ACSS3: variants seen among roughly 807,000 people sequenced by gnomAD.
ACSS3 encodes acyl-CoA synthetase short chain family member 3.
Under a neutral mutation model 84.2 loss-of-function variants are expected in ACSS3, and 64 were observed. That is an observed-to-expected ratio of 0.76 (90% CI 0.62 to 0.94). ACSS3 has a LOEUF of 0.94. Among genes scored for constraint, ACSS3 ranks in the 40% least tolerant of loss-of-function variants. ACSS3 has a pLI of 0.00. For synonymous variants in ACSS3, 317 were observed against 310.1 expected (o/e 1.02, Z -0.23); for missense variants, 815 against 867.6 (o/e 0.94, Z 0.76).
chr12:81,225,773 T>A (rs1278857167), intron 11 of ACSS3, among the ~76,000 whole-genome samples: 1 of 151,938 alleles, frequency 6.6e-6, no homozygotes, highest in Non-Finnish European at 1.5e-5. Context: ...ATCGTTAATG[T>A]GTAGCACAGT....
At chr12:81,166,484 C>CT (rs1337141706) in intron 7 of ACSS3, among the ~76,000 whole-genome samples, 1 of 152,108 alleles carries the variant, frequency 6.6e-6, no homozygotes, top group Non-Finnish European at 1.5e-5. Context: ...TTAGGAAATT[C>CT]TTGAGGCTGA....
chr12:81,133,601 G>A (rs1386620277), intron 2 of ACSS3, among the ~76,000 whole-genome samples: 1 of 151,868 alleles, frequency 6.6e-6, no homozygotes, highest in Non-Finnish European at 1.5e-5. Context: ...CAAAACTGTT[G>A]CTTTCTTAGT....
At position 81,161,372 on chromosome 12, in the gene ACSS3, T is replaced by A. The variant is rs145938899; in HGVS notation, c.1098+9276T>A. The stretch of plus-strand genomic sequence containing the variant: ...ATCTATCCTTTAAGTGTAGGACTTG[T>A]GAGTTAAATAAAAGTGAACTCGAAG... On this transcript the variant is annotated intron_variant, in intron 7 of 15. Transcript: ENST00000548058. Among the ~76,000 whole-genome samples the A allele has an allele frequency of 4.1e-4, 62 of 152,270 alleles. No individual in the cohort carries two copies. The East Asian group carries it at 0.011, about 27-fold the overall frequency.
At chr12:81,143,797 C>G (rs1175316653) in intron 5 of ACSS3, among the ~76,000 whole-genome samples, 2 of 152,088 alleles carry the variant, frequency 1.3e-5, no homozygotes, top group Non-Finnish European at 2.9e-5. Context: ...ATGGAAGACA[C>G]TCAAGGATTT....
chr12:81,247,589 A>C (rs528200268), intron 13 of ACSS3, among the ~76,000 whole-genome samples: 1 of 152,080 alleles, frequency 6.6e-6, no homozygotes, highest in Non-Finnish European at 1.5e-5. Context: ...ACTTCTCTCT[A>C]TATATGAATT....
intron 2 of ACSS3, among the ~76,000 whole-genome samples, chr12:81,126,388 C>T (rs1248349643): frequency 6.6e-6 from 1 of 152,168 alleles, no homozygotes; most frequent in Non-Finnish European, 1.5e-5. Context: ...CACCCTAGTC[C>T]TGTTGTGTGT....
At chr12:81,151,527 G>T in intron 5 of ACSS3, 1 of 204,084 alleles carries the variant, frequency 4.9e-6, no homozygotes, top group Non-Finnish European at 9.8e-6. Context: ...TGAAAATGTA[G>T]TGTTGATAAT....
Position 81,091,651 on chromosome 12 carries a change from ATACT to A in ACSS3, c.311+13222_311+13225del, listed in dbSNP as rs199774175. 5.2e-3 allele frequency among the ~76,000 whole-genome samples: 784 copies of A among 152,208 alleles called. 3 individuals carry two copies. Among genetic ancestry groups the A allele is most frequent in the African/African-American group, 0.014 (568 of 41,574 alleles). Reference sequence around the variant, plus strand: ...TTTTCAAGTTTATCATTAGTAAAAAATACTTTAATAAGGAGGGTTTTAAAAAATT... The same window carrying A: ...TTTTCAAGTTTATCATTAGTAAAAAATTAATAAGGAGGGTTTTAAAAAATT... On this transcript the variant is annotated intron_variant, in intron 1 of 15. Transcript: ENST00000548058.
intron 1 of ACSS3, among the ~76,000 whole-genome samples, chr12:81,106,173 C>T (rs2121476825): frequency 6.6e-6 from 1 of 152,254 alleles, no homozygotes; most frequent in Non-Finnish European, 1.5e-5. Context: ...CTGAGCAAAG[C>T]TTCATCTGTA....
intron 11 of ACSS3, among the ~76,000 whole-genome samples, chr12:81,221,449 A>C (rs1231741988): frequency 6.6e-6 from 1 of 152,134 alleles, no homozygotes; most frequent in Non-Finnish European, 1.5e-5. Flanking sequence ...TGAAAATTAC[A>C]TGGAAAACAG....
At chr12:81,109,145 A>G (rs909603557) in intron 1 of ACSS3, among the ~76,000 whole-genome samples, 1 of 152,164 alleles carries the variant, frequency 6.6e-6, no homozygotes, top group Admixed American at 6.6e-5. Context: ...AAGTTTTTCT[A>G]TTTGCAGCAG....
chr12:81,128,903 C>CATA (rs1203738300), intron 2 of ACSS3, among the ~76,000 whole-genome samples: 2 of 152,154 alleles, frequency 1.3e-5, no homozygotes, highest in African/African-American at 4.8e-5. Flanking sequence ...ATTATGAACT[C>CATA]ATATGTTTTC....
intron 7 of ACSS3, among the ~76,000 whole-genome samples, chr12:81,154,466 C>G (rs1886768215): frequency 6.6e-6 from 1 of 152,246 alleles, no homozygotes; most frequent in South Asian, 2.1e-4. Flanking sequence ...TATTTAAAAC[C>G]TTTTCTCTGC....
chr12:81,203,856 C>G (rs2135908475), intron 9 of ACSS3, among the ~76,000 whole-genome samples: 1 of 152,232 alleles, frequency 6.6e-6, no homozygotes, highest in South Asian at 2.1e-4. Flanking sequence ...TTAAAAACAT[C>G]TGGATTATTG....
intron 1 of ACSS3, among the ~76,000 whole-genome samples, chr12:81,094,082 T>TCTTTATTTG (rs1881854821): frequency 6.6e-6 from 1 of 152,116 alleles, no homozygotes; most frequent in Non-Finnish European, 1.5e-5. Context: ...AGATGGTTTC[T>TCTTTATTTG]CTTTATTTGC....
chr12:81,105,537 C>T (rs998249014), intron 1 of ACSS3, among the ~76,000 whole-genome samples: 15 of 152,312 alleles, frequency 9.8e-5, no homozygotes, highest in Admixed American at 2.0e-4. Context: ...TTCCTAACCA[C>T]GTGCCCTGGG....
chr12:81,145,619 G>T (rs1013576692), intron 5 of ACSS3, among the ~76,000 whole-genome samples: 1 of 152,196 alleles, frequency 6.6e-6, no homozygotes, highest in Admixed American at 6.5e-5. Context: ...TAACAGGGAG[G>T]AATCAGATTT....
At chr12:81,107,511 CATATATATATATATATATATATATATAT>C (rs566270568) in intron 1 of ACSS3, among the ~76,000 whole-genome samples, 1,367 of 38,856 alleles carry the variant, frequency 0.035, 79 homozygotes, top group Non-Finnish European at 0.053. Context: ...CAAATATATA[CATATATATATATATATATATATATATAT>C]ATATATATAT....
chr12:81,229,646 A>G (rs1025851144), intron 11 of ACSS3, among the ~76,000 whole-genome samples: 6 of 151,950 alleles, frequency 3.9e-5, no homozygotes, highest in African/African-American at 1.2e-4. Flanking sequence ...GCAAACAGTA[A>G]TAATCACAAC....
Sources: gnomAD v4.1 joint callset for allele counts (sites outside exome capture counted in the v4.1 genomes callset) on GRCh38, gnomAD v4.1.1 for gene constraint, MANE v1.5 for transcripts, NCBI Gene and HGNC (gene_info 2026-07-23, HGNC 2026-07-21) for gene names.